Variants in PI4KA observed in about 807,000 individuals in gnomAD.
PI4KA encodes phosphatidylinositol 4-kinase alpha.
Under a neutral mutation model 271.4 loss-of-function variants are expected in PI4KA, and 122 were observed. The observed-to-expected ratio is 0.45, with a 90% confidence interval of 0.39 to 0.52. PI4KA has a LOEUF of 0.52. Among genes scored for constraint, PI4KA ranks in the 20% least tolerant of loss-of-function variants. The pLI is 0.00. For synonymous variants in PI4KA, 1,041 were observed against 1,078.8 expected, an observed-to-expected ratio of 0.96 and a Z score of 0.69; for missense variants, 1,969 against 2,769.1, an observed-to-expected ratio of 0.71 and a Z score of 6.48.
intron 1 of PI4KA, among the ~76,000 whole-genome samples, chr22:20,840,446 C>T (rs1437518539): frequency 1.3e-5 from 2 of 152,158 alleles, no homozygotes; most frequent in African/African-American, 2.4e-5. Context: ...GGCCTTAGGG[C>T]ATCAAGTTTA....
chr22:20,708,239 C>T (rs192599246), intron 54 of PI4KA, 141 bp from the exon 55 acceptor site: 3 of 730,660 alleles, frequency 4.1e-6, no homozygotes, highest in East Asian at 2.6e-5. Flanking sequence ...GGCGTGCCCT[C>T]CCCCACCCAG....
chr22:20,786,060 A>T (rs750563768), intron 19 of PI4KA: 1 of 1,614,166 alleles, frequency 6.2e-7, no homozygotes, highest in South Asian at 1.1e-5. Flanking sequence ...AATCTAGTGG[A>T]GTCCCTGAAG....
chr22:20,738,917 T>C (rs1257692968), intron 32 of PI4KA, among the ~76,000 whole-genome samples: 1 of 151,034 alleles, frequency 6.6e-6, no homozygotes, highest in Admixed American at 6.6e-5. Context: ...AAGAAAGACA[T>C]CTCGGACAGG....
chr22:20,780,425 T>A (rs1451995890), intron 19 of PI4KA, among the ~76,000 whole-genome samples: 1 of 152,188 alleles, frequency 6.6e-6, no homozygotes, highest in African/African-American at 2.4e-5. Flanking sequence ...TGTGAGGTCA[T>A]CACTGTTATT....
chr22:20,724,148 T>TA (rs975523555), intron 42 of PI4KA, among the ~76,000 whole-genome samples: 4 of 151,108 alleles, frequency 2.6e-5, no homozygotes, highest in Non-Finnish European at 5.9e-5. Flanking sequence ...ATTAATTAAT[T>TA]AAAATAATTA....
rs575191733 is a variant in PI4KA at position 20,763,176 on chromosome 22, C to CA, written c.2708+1640dup. Among the ~76,000 whole-genome samples, 667 of 149,464 alleles carry CA rather than the reference C, an allele frequency of 4.5e-3. 4 individuals carry two copies. The highest frequency in any genetic ancestry group is 7.2e-3 in the Middle Eastern group (2 of 276). On this transcript the variant is annotated intron_variant, in intron 22 of 54. Transcript: ENST00000255882. ...CGCCCAGGCTGCAGTGCAGTGGCAC[C>CA]ATCTTGGCTCACTGCAACCTCCACC...
intron 2 of PI4KA, among the ~76,000 whole-genome samples, chr22:20,837,788 A>C (rs1157630506): frequency 6.6e-6 from 1 of 152,140 alleles, no homozygotes; most frequent in East Asian, 1.9e-4. Context: ...TTGGAGCTAC[A>C]GGGCTAGATT....
At chr22:20,740,433 T>G (rs1353946493) in intron 32 of PI4KA, among the ~76,000 whole-genome samples, 3 of 146,154 alleles carry the variant, frequency 2.1e-5, no homozygotes, top group Non-Finnish European at 4.5e-5. Context: ...ATTAAAAAAA[T>G]ATTGACCTTA....
At chr22:20,742,149 T>C in intron 32 of PI4KA, 79 bp downstream of exon 32, 1 of 1,469,668 alleles carries the variant, frequency 6.8e-7, no homozygotes, top group Non-Finnish European at 9.3e-7. Context: ...CCATGCTTGG[T>C]GGTGGCGGCA....
At chr22:20,807,539 G>A (rs754578045) in intron 9 of PI4KA, 81 bp from the exon 10 acceptor site, 31 of 760,562 alleles carry the variant, frequency 4.1e-5, no homozygotes, top group East Asian at 2.6e-4. Flanking sequence ...AAGGCCCAGC[G>A]GAATGGTGAT....
intron 30 of PI4KA, 82 bp downstream of exon 30, chr22:20,744,546 A>G: frequency 1.1e-6 from 1 of 949,270 alleles, no homozygotes; most frequent in Non-Finnish European, 1.7e-6. Context: ...CGCTTTGTTC[A>G]TTTTCCACTA....
intron 29 of PI4KA, among the ~76,000 whole-genome samples, chr22:20,746,675 C>T (rs1383059025): frequency 2.0e-5 from 3 of 152,234 alleles, no homozygotes; most frequent in Non-Finnish European, 2.9e-5. Flanking sequence ...CCTGGTGCCC[C>T]GTCAGAGTAG....
chr22:20,712,113 A>G (rs1344471814), intron 50 of PI4KA, among the ~76,000 whole-genome samples: 1 of 143,526 alleles, frequency 7.0e-6, no homozygotes, highest in Non-Finnish European at 1.5e-5. Context: ...GCTGGAGTGC[A>G]GTGGCGCAAT....
At position 20,858,699 on chromosome 22, in the gene PI4KA, G is replaced by A; in HGVS notation, c.27C>T (p.Gly9=). The A allele has an allele frequency of 2.1e-6, 3 of 1,460,514 alleles. No homozygotes were observed. The highest frequency in any genetic ancestry group is 4.9e-5 in the Admixed American group (2 of 41,232). 90.5% of individuals were successfully genotyped at this position (1,460,514 alleles called of 1,614,324 possible). A position where few individuals can be genotyped will look rare whatever the true frequency, so the allele number is the denominator to read the frequency against. Residue 9 remains glycine (G), a synonymous_variant, in exon 1 of 55, where the codon GGC becomes GGT. Transcript: ENST00000255882. MAAAPARG[G]GGGGGGGGGC... ...CGCCGCCGCCTCCGCCTCCGCCTCC[G>A]CCTCCCCGGGCCGGGGCCGCCGCCA... is the stretch of plus-strand genomic sequence containing the variant.
intron 23 of PI4KA, among the ~76,000 whole-genome samples, chr22:20,760,313 T>A (rs4820588): frequency 6.6e-6 from 1 of 151,938 alleles, no homozygotes; most frequent in Non-Finnish European, 1.5e-5. Context: ...AAAACTTAGG[T>A]CTAACATTTC....
intron 52 of PI4KA, 40 bp from the exon 53 acceptor site, chr22:20,710,037 C>G: frequency 7.7e-7 from 1 of 1,295,772 alleles, no homozygotes; most frequent in Non-Finnish European, 1.1e-6. Context: ...TGAGGCCAGC[C>G]TAGGTGGTGG....
At chr22:20,801,922 C>T in intron 14 of PI4KA, 51 bp downstream of exon 14, 1 of 1,594,012 alleles carries the variant, frequency 6.3e-7, no homozygotes, top group Non-Finnish European at 8.6e-7. Flanking sequence ...TTTGTAATAA[C>T]CCGCTTGTCT....
chr22:20,808,835 T>C (rs1045882414), intron 9 of PI4KA, among the ~76,000 whole-genome samples: 1 of 152,000 alleles, frequency 6.6e-6, no homozygotes, highest in Non-Finnish European at 1.5e-5. Flanking sequence ...TGTACCACCA[T>C]GCCCAGCTAA....
At chr22:20,821,501 T>C (rs530732021) in intron 4 of PI4KA, among the ~76,000 whole-genome samples, 1 of 152,286 alleles carries the variant, frequency 6.6e-6, no homozygotes, top group Admixed American at 6.5e-5. Flanking sequence ...ATTATAGGCG[T>C]GAGCCACTGC....
Sources: gnomAD v4.1 joint callset for allele counts (sites outside exome capture counted in the v4.1 genomes callset) on GRCh38, gnomAD v4.1.1 for gene constraint, MANE v1.5 for transcripts, NCBI Gene and HGNC (gene_info 2026-07-23, HGNC 2026-07-21) for gene names.